The following RAB8B variants were observed in gnomAD, a reference collection of about 807,000 sequenced individuals.
The protein encoded by RAB8B is RAB8B, member RAS oncogene family.
In RAB8B, 11 loss-of-function variants were observed where a neutral mutation model predicts 32.0. The observed-to-expected ratio is 0.34, with a 90% confidence interval of 0.22 to 0.57. The LOEUF (loss-of-function observed/expected upper bound fraction) is 0.57. Among genes scored for constraint, RAB8B ranks in the 20% least tolerant of loss-of-function variants. The probability of loss-of-function intolerance (pLI) is 0.86; values close to 1 mark genes in which losing one functional copy is unlikely to be tolerated. For synonymous variants in RAB8B, 103 were observed against 89.6 expected (o/e 1.15, Z -0.85); for missense variants, 190 against 258.5 (o/e 0.73, Z 1.82).
chr15:63,207,428 C>G (rs1476146735), intron 1 of RAB8B, among the ~76,000 whole-genome samples: 1 of 152,138 alleles, frequency 6.6e-6, no homozygotes, highest in Non-Finnish European at 1.5e-5. Context: ...ACCCCACGGT[C>G]AGTTCATTTC....
At chr15:63,261,728 G>C (rs1224649669) in intron 6 of RAB8B, among the ~76,000 whole-genome samples, 1 of 152,192 alleles carries the variant, frequency 6.6e-6, no homozygotes, top group East Asian at 1.9e-4. Flanking sequence ...GTTTTTATTT[G>C]ATTGGATTGG....
rs527780372 is a variant in RAB8B, at chr15:63,241,805, T to C, written c.125-2951T>C. 5.0e-4 allele frequency among the ~76,000 whole-genome samples: 76 copies of C among 152,262 alleles called. 2 individuals carry two copies. The South Asian group carries it at 0.015, about 30-fold the overall frequency. ...TAGAGGAGGATTCCTAGAGGGTCTT[T>C]GTTACACTGGATTTGGTGGCATATA... On this transcript the variant is annotated intron_variant, in intron 1 of 7. Coordinates refer to ENST00000321437, the MANE Select transcript of RAB8B (RefSeq NM_016530.3).
rs913646879 is a variant in RAB8B, at chr15:63,264,497, A to G, written c.*878A>G. On this transcript the variant is annotated 3_prime_UTR_variant, in exon 8 of 8. Transcript: ENST00000321437. The stretch of plus-strand genomic sequence containing the variant: ...CATTTAGGGTTTTAGTGCAGCATCT[A>G]ACTGTGATTCTGTCAATAAGGATAT... 6 of 152,196 alleles carry G rather than the reference A, an allele frequency of 3.9e-5. No individual in the cohort carries two copies. Among genetic ancestry groups the G allele is most frequent in the Admixed American group, 2.0e-4 (3 of 15,280 alleles). The allele number at this position is 152,196 out of a possible 1,614,324, so 9.4% of individuals were successfully genotyped here.
intron 1 of RAB8B, among the ~76,000 whole-genome samples, chr15:63,213,169 T>A (rs1263888872): frequency 6.6e-6 from 1 of 152,238 alleles, no homozygotes; most frequent in East Asian, 1.9e-4. Flanking sequence ...AATTTTCATT[T>A]TTTGGCTTCT....
chr15:63,220,034 T>A (rs1338352523), intron 1 of RAB8B, among the ~76,000 whole-genome samples: 1 of 152,248 alleles, frequency 6.6e-6, no homozygotes, highest in Non-Finnish European at 1.5e-5. Context: ...AAACTATGGT[T>A]TCTGAAGAAA....
rs1300108153 is a variant in RAB8B, at chr15:63,259,321, A to G, written c.415-306A>G. 6.6e-6 allele frequency among the ~76,000 whole-genome samples: 1 copy of G among 151,806 alleles called. No homozygotes were observed. The highest frequency in any genetic ancestry group is 1.5e-5 in the Non-Finnish European group (1 of 67,924). ...TTTTTAGTAGAGGCGGGGTTTCATC[A>G]TGTTAGCAAGGAGGGTCTCGATCTC... is the stretch of plus-strand genomic sequence containing the variant. On this transcript the variant is annotated intron_variant, in intron 5 of 7. Transcript: ENST00000321437. The surrounding 1 kb of genome is among the most constrained non-coding windows in gnomAD (Gnocchi z 4.4).
At chr15:63,244,289 C>A (rs1368721306) in intron 1 of RAB8B, among the ~76,000 whole-genome samples, 1 of 152,176 alleles carries the variant, frequency 6.6e-6, no homozygotes, top group Non-Finnish European at 1.5e-5. Flanking sequence ...CCCTCCCTTA[C>A]TGTCAAATAG....
intron 5 of RAB8B, among the ~76,000 whole-genome samples, chr15:63,257,429 G>A (rs904601143): frequency 6.6e-6 from 1 of 151,824 alleles, no homozygotes; most frequent in African/African-American, 2.4e-5. Context: ...CATATACCCG[G>A]CTAATTTTTG....
At chr15:63,233,340 AG>A (rs1432817039) in intron 1 of RAB8B, among the ~76,000 whole-genome samples, 1 of 152,104 alleles carries the variant, frequency 6.6e-6, no homozygotes, top group Non-Finnish European at 1.5e-5. Flanking sequence ...CTGGGATTAC[AG>A]GCATTAGCCA....
At chr15:63,207,684 C>T (rs1347411433) in intron 1 of RAB8B, among the ~76,000 whole-genome samples, 3 of 151,968 alleles carry the variant, frequency 2.0e-5, no homozygotes, top group African/African-American at 7.3e-5. Context: ...CTCAGCCTCT[C>T]GAGTAGCTGG....
chr15:63,251,859 C>G (rs532310785), intron 3 of RAB8B, among the ~76,000 whole-genome samples: 1 of 152,176 alleles, frequency 6.6e-6, no homozygotes, highest in Non-Finnish European at 1.5e-5. Flanking sequence ...CAGTCGGTTG[C>G]CGGGCCCACC....
In RAB8B at chr15:63,259,080, A is replaced by G. The variant is rs73443290; in HGVS notation, c.415-547A>G. Reference sequence around the variant, plus strand: ...ATATTAGAGAACTAAAAGTACAAAAACAGAAAAAAAGAGAAGTACTTAAAT... The same window carrying G: ...ATATTAGAGAACTAAAAGTACAAAAGCAGAAAAAAAGAGAAGTACTTAAAT... On this transcript the variant is annotated intron_variant, in intron 5 of 7. Transcript: ENST00000321437. This position sits in a 1 kb window ranked among gnomAD's most constrained non-coding sequence, Gnocchi z 4.4. 1.2e-3 allele frequency among the ~76,000 whole-genome samples: 185 copies of G among 152,158 alleles called. No individual in the cohort carries two copies. The highest frequency in any genetic ancestry group is 4.2e-3 in the African/African-American group (176 of 41,532).
intron 5 of RAB8B, 27 bp downstream of exon 5, chr15:63,256,621 T>C: frequency 2.0e-6 from 3 of 1,478,034 alleles, no homozygotes; most frequent in Non-Finnish European, 2.8e-6. Context: ...TGGATAAAGG[T>C]TGGAATCTAC....
At chr15:63,200,902 G>A (rs780520417) in intron 1 of RAB8B, among the ~76,000 whole-genome samples, 3 of 152,190 alleles carry the variant, frequency 2.0e-5, no homozygotes, top group African/African-American at 4.8e-5. Context: ...CAGTCTGGGC[G>A]TAGTCAACAT....
intron 1 of RAB8B, among the ~76,000 whole-genome samples, chr15:63,192,639 T>G (rs1208417984): frequency 6.6e-6 from 1 of 152,248 alleles, no homozygotes; most frequent in African/African-American, 2.4e-5. Context: ...TTTTAAGTCT[T>G]AATTTTGCTT....
chr15:63,243,058 ACAGAT>A (rs1265930723), intron 1 of RAB8B, among the ~76,000 whole-genome samples: 1 of 152,238 alleles, frequency 6.6e-6, no homozygotes, highest in Non-Finnish European at 1.5e-5. Flanking sequence ...GAAGACAGTG[ACAGAT>A]CATCAGGCAT....
At chr15:63,202,886 C>T (rs1164629281) in intron 1 of RAB8B, among the ~76,000 whole-genome samples, 1 of 152,196 alleles carries the variant, frequency 6.6e-6, no homozygotes, top group African/African-American at 2.4e-5. Flanking sequence ...GCAGAGAAAC[C>T]CGAGCAACTC....
chr15:63,215,660 C>T (rs1014421684), intron 1 of RAB8B, among the ~76,000 whole-genome samples: 6 of 152,188 alleles, frequency 3.9e-5, no homozygotes, highest in Non-Finnish European at 8.8e-5. Context: ...TTTTCACAAC[C>T]CTTTACTTTT....
At chr15:63,243,630 C>T (rs768138908) in intron 1 of RAB8B, among the ~76,000 whole-genome samples, 7 of 152,088 alleles carry the variant, frequency 4.6e-5, no homozygotes, top group Non-Finnish European at 1.0e-4. Flanking sequence ...ATCTGGGAAA[C>T]TTTAAAAATT....
Sources: allele counts gnomAD v4.1 joint callset (sites outside exome capture counted in the v4.1 genomes callset), GRCh38; gene constraint gnomAD v4.1.1; non-coding constraint Gnocchi (gnomAD v3.1); transcripts MANE v1.5; gene names NCBI Gene and HGNC (gene_info 2026-07-23, HGNC 2026-07-21).